The following ANKRD24 variants were observed in gnomAD, a reference collection of about 807,000 sequenced individuals.
The protein encoded by ANKRD24 is ankyrin repeat domain-containing protein 24.
Under a neutral mutation model 127.8 loss-of-function variants are expected in ANKRD24, and 109 were observed. The ratio of observed to expected loss-of-function variants is 0.85; its 90% confidence interval spans 0.73 to 1.00. The LOEUF is 1.00. Among genes scored for constraint, ANKRD24 ranks in the 50% least tolerant of loss-of-function variants. The pLI is 0.00. For missense variants in ANKRD24, 1,648 were observed against 1,570.2 expected, an observed-to-expected ratio of 1.05 and a Z score of -0.84; for synonymous variants, 743 against 671.1, an observed-to-expected ratio of 1.11 and a Z score of -1.66.
At chr19:4,201,207 CA>C (rs1480739840) in intron 5 of ANKRD24, among the ~76,000 whole-genome samples, 1 of 151,780 alleles carries the variant, frequency 6.6e-6, no homozygotes, top group African/African-American at 2.4e-5. Flanking sequence ...AATGTGTGGC[CA>C]AAAGGAGTAG....
chr19:4,197,910 C>T (rs527871817), intron 2 of ANKRD24, among the ~76,000 whole-genome samples: 1 of 151,578 alleles, frequency 6.6e-6, no homozygotes. Context: ...AATGAATGAA[C>T]GAGTGAATGA....
In ANKRD24 at chr19:4,215,865, G is replaced by A. The variant is rs1970033136; in HGVS notation, c.1198-113G>A. 6.5e-6 allele frequency: 5 copies of A among 772,984 alleles called. No homozygotes were observed. The East Asian group carries it at 1.4e-4, about 21-fold the overall frequency. The allele number at this position is 772,984 out of a possible 1,614,324, so 47.9% of individuals were successfully genotyped here. On this transcript the variant is annotated intron_variant, in intron 15 of 21. Coordinates refer to ENST00000318934, the MANE Select transcript of ANKRD24 (RefSeq NM_001393985.1). Reference sequence around the variant, plus strand: ...TGTGGGCCAAATGCAGCCATCTGGTGCTCGTGGGAGACATACAGGTATGTG... The same window carrying A: ...TGTGGGCCAAATGCAGCCATCTGGTACTCGTGGGAGACATACAGGTATGTG...
At chr19:4,193,762 G>A (rs1028553224) in intron 2 of ANKRD24, among the ~76,000 whole-genome samples, 2 of 149,074 alleles carry the variant, frequency 1.3e-5, no homozygotes, top group Non-Finnish European at 3.0e-5. Context: ...ACTTGAAGCC[G>A]GGAGGTGGAG....
At chr19:4,204,525 ACC>A (rs1360876803) in intron 7 of ANKRD24, among the ~76,000 whole-genome samples, 1 of 152,112 alleles carries the variant, frequency 6.6e-6, no homozygotes, top group Admixed American at 6.6e-5. Context: ...CCTAGGAGAT[ACC>A]AGGAAAACCA....
Position 4,217,063 on chromosome 19 carries a change from G to C in ANKRD24, c.1903G>C (p.Val635Leu), listed in dbSNP as rs746030142. The part of the protein sequence containing the change: ...AQATDTETTG[V>L]EAMGVEATKT... ...GGCCACAGACACAGAGACCACGGGA[G>C]TGGAGGCCATGGGGGTGGAGGCCAC... Residue 635 changes from valine (V) to leucine (L), a missense_variant, in exon 18 of 22, where the codon GTG becomes CTG. By Grantham distance (32) the Val-to-Leu change is conservative. Transcript: ENST00000318934. The C allele has an allele frequency of 1.2e-6, 2 of 1,613,832 alleles. No individual in the cohort carries two copies. The highest frequency in any genetic ancestry group is 3.3e-5 in the Admixed American group (2 of 59,982).
At position 4,182,710 on chromosome 19, in the gene ANKRD24, G is replaced by A. The variant is rs1384860989; in HGVS notation, c.-67G>A. ...CGCCGCAGGCGACATGTTATCTGCT[G>A]TCAGAAGGAAGCCTGCCTCTTTGCA... On this transcript the variant is annotated 5_prime_UTR_variant, in exon 1 of 22. Coordinates refer to ENST00000318934, the MANE Select transcript of ANKRD24 (RefSeq NM_001393985.1). 1 of 1,409,256 alleles carries A rather than the reference G, an allele frequency of 7.1e-7. No individual in the cohort carries two copies. The highest frequency in any genetic ancestry group is 9.3e-7 in the Non-Finnish European group (1 of 1,079,922). 87.3% of individuals were successfully genotyped at this position (1,409,256 alleles called of 1,614,324 possible). A position where few individuals can be genotyped will look rare whatever the true frequency, so the allele number is the denominator to read the frequency against.
intron 1 of ANKRD24, among the ~76,000 whole-genome samples, chr19:4,183,995 T>C (rs1433017196): frequency 3.9e-5 from 6 of 151,906 alleles, no homozygotes; most frequent in Non-Finnish European, 8.8e-5. Flanking sequence ...ATGTTCCTGG[T>C]GGGGGGAACA....
chr19:4,215,931 G>A, intron 15 of ANKRD24, 47 bp from the exon 16 acceptor site: 6 of 1,491,782 alleles, frequency 4.0e-6, no homozygotes, highest in Non-Finnish European at 5.5e-6. Flanking sequence ...GGGACACACG[G>A]GGGCTGAGAG....
At position 4,199,561 on chromosome 19, in the gene ANKRD24, A is replaced by G; in HGVS notation, c.37-122A>G. ...ATGCCAGGGGGCTGCTCAGGGGATG[A>G]TGCTGGTGGTGGGCTTTTGTTGGAC... On this transcript the variant is annotated intron_variant, in intron 2 of 21. Transcript: ENST00000318934. The surrounding 1 kb of genome is among the most constrained non-coding windows in gnomAD (Gnocchi z 5.2). The G allele has an allele frequency of 7.0e-7, 1 of 1,432,484 alleles. No individual in the cohort carries two copies. The highest frequency in any genetic ancestry group is 9.1e-7 in the Non-Finnish European group (1 of 1,097,598). 88.7% of individuals were successfully genotyped at this position (1,432,484 alleles called of 1,614,324 possible).
At position 4,216,502 on chromosome 19, in the gene ANKRD24, G is replaced by A. The variant is rs755114779; in HGVS notation, c.1390-48G>A. 3.3e-5 allele frequency: 51 copies of A among 1,565,524 alleles called. No individual in the cohort carries two copies. The East Asian group carries it at 1.1e-3, about 33-fold the overall frequency. Reference sequence around the variant, plus strand: ...TGGCAAGGCTGCCCTGTGTCCCCACGGTCACATCAACTCCTGCCAGACTCC... The same window carrying A: ...TGGCAAGGCTGCCCTGTGTCCCCACAGTCACATCAACTCCTGCCAGACTCC... On this transcript the variant is annotated intron_variant, in intron 17 of 21. Transcript: ENST00000318934.
rs767864227 is a variant in ANKRD24 at position 4,210,246 on chromosome 19, G to A, written c.952-19G>A. Reference sequence around the variant, plus strand: ...CAACCTTAGGCCCCATCTAAAGGCCGTGGTGGGGAGGGGAACAGGATGATC... The same window carrying A: ...CAACCTTAGGCCCCATCTAAAGGCCATGGTGGGGAGGGGAACAGGATGATC... On this transcript the variant is annotated intron_variant, in intron 12 of 21. Coordinates refer to ENST00000318934, the MANE Select transcript of ANKRD24 (RefSeq NM_001393985.1). 2.1e-5 allele frequency: 33 copies of A among 1,569,792 alleles called. No individual in the cohort carries two copies. Among genetic ancestry groups the A allele is most frequent in the African/African-American group, 9.5e-5 (7 of 74,030 alleles).
At chr19:4,193,319 A>G (rs1460282677) in intron 2 of ANKRD24, among the ~76,000 whole-genome samples, 1 of 141,944 alleles carries the variant, frequency 7.0e-6, no homozygotes, top group Non-Finnish European at 1.5e-5. Context: ...AAAAAAAGAC[A>G]ACAATGAAGG....
chr19:4,209,978 G>A, intron 11 of ANKRD24, 80 bp from the exon 12 acceptor site: 2 of 783,166 alleles, frequency 2.6e-6, no homozygotes, highest in East Asian at 2.7e-5. Context: ...GGCTGGGGCT[G>A]GCTGGGTTGG....
At chr19:4,211,275 G>A (rs1568333667) in intron 13 of ANKRD24, among the ~76,000 whole-genome samples, 1 of 152,144 alleles carries the variant, frequency 6.6e-6, no homozygotes, top group Non-Finnish European at 1.5e-5. Flanking sequence ...TATTGATTGG[G>A]TGAGTGAATA....
At chr19:4,212,268 ATATT>A (rs1310304391) in intron 13 of ANKRD24, among the ~76,000 whole-genome samples, 3 of 152,214 alleles carry the variant, frequency 2.0e-5, no homozygotes, top group African/African-American at 2.4e-5. Flanking sequence ...TGCTCAATAA[ATATT>A]TAGTAATGAG....
At chr19:4,185,657 G>A (rs1456974759) in intron 1 of ANKRD24, among the ~76,000 whole-genome samples, 2 of 152,216 alleles carry the variant, frequency 1.3e-5, no homozygotes, top group Non-Finnish European at 2.9e-5. Flanking sequence ...ACACATGCAT[G>A]CAGCCATTGC....
intron 1 of ANKRD24, 115 bp from the exon 2 acceptor site, chr19:4,186,275 G>A (rs1968056084): frequency 2.0e-6 from 3 of 1,490,960 alleles, no homozygotes; most frequent in Non-Finnish European, 2.7e-6. Context: ...TTGCTCTAGG[G>A]GCCAGGACTG....
intron 19 of ANKRD24, among the ~76,000 whole-genome samples, chr19:4,220,552 ATTG>A (rs1008959588): frequency 3.2e-4 from 48 of 151,596 alleles, no homozygotes; most frequent in African/African-American, 1.2e-3. Flanking sequence ...ACCTTTTTTT[ATTG>A]TTGTTTTGTT....
chr19:4,220,001 C>T (rs769047894), intron 19 of ANKRD24, among the ~76,000 whole-genome samples: 5 of 152,190 alleles, frequency 3.3e-5, no homozygotes, highest in East Asian at 1.9e-4. Flanking sequence ...TTACTTGAGA[C>T]GGAGTCTCGC....
Sources: allele counts gnomAD v4.1 joint callset (sites outside exome capture counted in the v4.1 genomes callset), GRCh38; gene constraint gnomAD v4.1.1; non-coding constraint Gnocchi (gnomAD v3.1); transcripts MANE v1.5; gene names NCBI Gene and HGNC (gene_info 2026-07-23, HGNC 2026-07-21).